The following NR3C2 variants were observed in gnomAD, a reference collection of about 807,000 sequenced individuals.
NR3C2 encodes the protein nuclear receptor subfamily 3 group C member 2, also known as mineralocorticoid receptor.
Under a neutral mutation model 86.4 loss-of-function variants are expected in NR3C2, and 15 were observed. The observed-to-expected ratio is 0.17, with a 90% CI of 0.12 to 0.27. NR3C2 has a LOEUF of 0.27. Among genes scored for constraint, NR3C2 ranks in the 10% least tolerant of loss-of-function variants. The pLI, the probability that NR3C2 is intolerant of heterozygous loss-of-function variation, is 1.00. For missense variants in NR3C2, 960 were observed against 1,195.6 expected, an observed-to-expected ratio of 0.80 and a Z score of 2.91; for synonymous variants, 458 against 450.5, an observed-to-expected ratio of 1.02 and a Z score of -0.21.
At chr4:148,240,788 C>T (rs765130347) in intron 3 of NR3C2, among the ~76,000 whole-genome samples, 7 of 152,254 alleles carry the variant, frequency 4.6e-5, no homozygotes, top group South Asian at 2.1e-4. Flanking sequence ...CACATCTGCC[C>T]GTCCTTGCTG....
At chr4:148,264,891 T>C (rs1218995012) in intron 2 of NR3C2, among the ~76,000 whole-genome samples, 1 of 152,176 alleles carries the variant, frequency 6.6e-6, no homozygotes, top group Non-Finnish European at 1.5e-5. Context: ...TAAAATCTTT[T>C]TTACATTGAT....
At chr4:148,304,328 CTT>C (rs35633620) in intron 2 of NR3C2, among the ~76,000 whole-genome samples, 9 of 83,858 alleles carry the variant, frequency 1.1e-4, no homozygotes, top group African/African-American at 2.7e-4. Flanking sequence ...GTTGTTGTTG[CTT>C]TTTTTTTTTT....
intron 6 of NR3C2, among the ~76,000 whole-genome samples, chr4:148,127,385 T>G (rs922763411): frequency 6.6e-6 from 1 of 152,238 alleles, no homozygotes; most frequent in Non-Finnish European, 1.5e-5. Context: ...ATTCATGTTA[T>G]AATTTTACCT....
chr4:148,398,050 T>G (rs1372084691), intron 2 of NR3C2, among the ~76,000 whole-genome samples: 1 of 152,150 alleles, frequency 6.6e-6, no homozygotes, highest in Non-Finnish European at 1.5e-5. Context: ...TCCATTGTCA[T>G]ATGGTTTCCC....
At chr4:148,334,161 T>C (rs1415025750) in intron 2 of NR3C2, among the ~76,000 whole-genome samples, 1 of 152,140 alleles carries the variant, frequency 6.6e-6, no homozygotes, top group African/African-American at 2.4e-5. Context: ...TAGGAACATT[T>C]ATGGATAAAA....
At chr4:148,101,951 G>A (rs772539088) in intron 8 of NR3C2, among the ~76,000 whole-genome samples, 5 of 152,060 alleles carry the variant, frequency 3.3e-5, no homozygotes, top group East Asian at 1.9e-4. Context: ...TGGAAACCCC[G>A]TGAGCATTAC....
chr4:148,202,429 G>A (rs1427149879), intron 3 of NR3C2, among the ~76,000 whole-genome samples: 1 of 152,172 alleles, frequency 6.6e-6, no homozygotes, highest in Non-Finnish European at 1.5e-5. Context: ...GCTCCCTCTG[G>A]GAGCAGGTGC....
intron 2 of NR3C2, among the ~76,000 whole-genome samples, chr4:148,338,832 A>G (rs1339761210): frequency 6.6e-6 from 1 of 152,218 alleles, no homozygotes; most frequent in South Asian, 2.1e-4. Context: ...AATTAACAAT[A>G]AAAGCATAGG....
intron 2 of NR3C2, among the ~76,000 whole-genome samples, chr4:148,269,187 A>C (rs1579087440): frequency 6.6e-6 from 1 of 152,154 alleles, no homozygotes; most frequent in Non-Finnish European, 1.5e-5. Flanking sequence ...CTTGCTAACA[A>C]ACCTGAGGAA....
At chr4:148,419,335 T>C (rs1212414413) in intron 2 of NR3C2, among the ~76,000 whole-genome samples, 1 of 152,172 alleles carries the variant, frequency 6.6e-6, no homozygotes, top group African/African-American at 2.4e-5. Flanking sequence ...CATGAAATGG[T>C]TGGCGAAGGA....
intron 2 of NR3C2, among the ~76,000 whole-genome samples, chr4:148,379,297 A>T (rs1746839693): frequency 6.6e-6 from 1 of 152,146 alleles, no homozygotes; most frequent in South Asian, 2.1e-4. Flanking sequence ...GTCGTTAGAA[A>T]TTCATCAATG....
At chr4:148,440,202 A>G (rs1750268289) in intron 1 of NR3C2, among the ~76,000 whole-genome samples, 1 of 152,248 alleles carries the variant, frequency 6.6e-6, no homozygotes, top group African/African-American at 2.4e-5. Context: ...TTTTAAGATC[A>G]GATATTTTTC....
chr4:148,156,123 A>T (rs989688819), intron 4 of NR3C2, among the ~76,000 whole-genome samples: 6 of 152,306 alleles, frequency 3.9e-5, no homozygotes, highest in Middle Eastern at 3.4e-3. Flanking sequence ...AAGATTGATT[A>T]AAGACTTAAA....
chr4:148,083,411 G>A (rs961347034), intron 8 of NR3C2, among the ~76,000 whole-genome samples: 1 of 152,180 alleles, frequency 6.6e-6, no homozygotes, highest in Non-Finnish European at 1.5e-5. Flanking sequence ...GGTCTGGAGT[G>A]GACCTCCAGC....
intron 3 of NR3C2, among the ~76,000 whole-genome samples, chr4:148,214,681 C>T (rs2149820150): frequency 6.6e-6 from 1 of 152,288 alleles, no homozygotes; most frequent in East Asian, 1.9e-4. Context: ...CAGCAGGAGC[C>T]TGCACGCCCT....
intron 3 of NR3C2, among the ~76,000 whole-genome samples, chr4:148,218,318 C>T (rs1035310375): frequency 6.6e-6 from 1 of 152,222 alleles, no homozygotes; most frequent in East Asian, 1.9e-4. Flanking sequence ...CCTTAAAAAC[C>T]AACATATTAT....
At chr4:148,361,005 T>C (rs1016645703) in intron 2 of NR3C2, among the ~76,000 whole-genome samples, 1 of 152,142 alleles carries the variant, frequency 6.6e-6, no homozygotes, top group Non-Finnish European at 1.5e-5. Context: ...ACACCCTGAA[T>C]TGTAATTATC....
chr4:148,145,342 A>C lies in NR3C2; in HGVS notation c.2510+7127T>G, dbSNP rs150307789. On this transcript the variant is annotated intron_variant, in intron 6 of 8. Transcript: ENST00000358102. The stretch of plus-strand genomic sequence containing the variant: ...ACCCGGCATGCGGACAGCCCACCCC[A>C]AGGGAAGAATCAGGGGAGAAGGGAC... Among the ~76,000 whole-genome samples, 1,101 of 152,298 alleles carry C rather than the reference A, an allele frequency of 7.2e-3. 10 individuals are homozygous for C. The highest frequency in any genetic ancestry group is 0.025 in the African/African-American group (1,039 of 41,578).
chr4:148,330,975 G>A (rs912795233), intron 2 of NR3C2, among the ~76,000 whole-genome samples: 14 of 152,164 alleles, frequency 9.2e-5, no homozygotes, highest in African/African-American at 3.4e-4. Flanking sequence ...CTCACCAGAA[G>A]CAGATACTGG....
Sources: allele counts gnomAD v4.1 joint callset (sites outside exome capture counted in the v4.1 genomes callset), GRCh38; gene constraint gnomAD v4.1.1; transcripts MANE v1.5; gene names NCBI Gene and HGNC (gene_info 2026-07-23, HGNC 2026-07-21).